Variants in ZNF385B observed in about 807,000 individuals in gnomAD.
ZNF385B encodes zinc finger protein 385B.
A neutral mutation model predicts 39.2 loss-of-function variants in ZNF385B; 23 were observed. The observed-to-expected ratio is 0.59, with a 90% CI of 0.42 to 0.83. The LOEUF (loss-of-function observed/expected upper bound fraction) is 0.83. ZNF385B is among the 40% of genes least tolerant of loss of function. The pLI, the probability that ZNF385B is intolerant of heterozygous loss-of-function variation, is 0.00. For missense variants in ZNF385B, 552 were observed against 598.9 expected (o/e 0.92, Z 0.82); for synonymous variants, 205 against 222.6 (o/e 0.92, Z 0.70).
intron 5 of ZNF385B, among the ~76,000 whole-genome samples, chr2:179,497,115 A>T (rs1047505392): frequency 6.6e-6 from 1 of 152,198 alleles, no homozygotes; most frequent in African/African-American, 2.4e-5. Flanking sequence ...AAGCTGAGGT[A>T]TTTCATCAAG....
At chr2:179,549,727 T>C (rs1207547203) in intron 3 of ZNF385B, among the ~76,000 whole-genome samples, 2 of 149,518 alleles carry the variant, frequency 1.3e-5, no homozygotes, top group African/African-American at 5.0e-5. Flanking sequence ...CATACTTCAT[T>C]TACATTGATC....
chr2:179,451,380 T>G (rs16866735), intron 6 of ZNF385B, among the ~76,000 whole-genome samples: 17,497 of 151,984 alleles, frequency 0.12, 1,370 homozygotes, highest in East Asian at 0.35. Flanking sequence ...TACCTGGTAG[T>G]TGAGCATAGA....
intron 1 of ZNF385B, among the ~76,000 whole-genome samples, chr2:179,850,437 T>C (rs1465405117): frequency 2.0e-5 from 3 of 152,194 alleles, no homozygotes; most frequent in Admixed American, 6.5e-5. Flanking sequence ...CTTTCTCATA[T>C]TGAGTTGAAA....
At chr2:179,810,242 T>C (rs778552106) in intron 1 of ZNF385B, among the ~76,000 whole-genome samples, 3 of 151,816 alleles carry the variant, frequency 2.0e-5, no homozygotes, top group South Asian at 2.1e-4. Flanking sequence ...ACGTTAAGCA[T>C]AGAGCAAAAT....
intron 1 of ZNF385B, among the ~76,000 whole-genome samples, chr2:179,794,439 T>C (rs992289814): frequency 6.6e-6 from 1 of 152,012 alleles, no homozygotes; most frequent in Non-Finnish European, 1.5e-5. Flanking sequence ...TAAAATGCTA[T>C]TTACCATGGA....
At chr2:179,589,942 T>A (rs1687410386) in intron 3 of ZNF385B, among the ~76,000 whole-genome samples, 3 of 152,228 alleles carry the variant, frequency 2.0e-5, no homozygotes, top group African/African-American at 4.8e-5. Context: ...TACAATTCTG[T>A]ATTCATTAAA....
At chr2:179,498,578 C>T (rs2056461610) in intron 5 of ZNF385B, among the ~76,000 whole-genome samples, 1 of 151,836 alleles carries the variant, frequency 6.6e-6, no homozygotes, top group Non-Finnish European at 1.5e-5. Flanking sequence ...CAATATGTTC[C>T]TGAATGATGA....
chr2:179,484,528 A>G (rs755188713), intron 5 of ZNF385B, among the ~76,000 whole-genome samples: 7 of 152,030 alleles, frequency 4.6e-5, no homozygotes, highest in Non-Finnish European at 1.0e-4. Context: ...TATGTGTTTG[A>G]AGAGGATTAA....
At chr2:179,775,463 C>A (rs1267515919) in intron 1 of ZNF385B, among the ~76,000 whole-genome samples, 4 of 152,158 alleles carry the variant, frequency 2.6e-5, no homozygotes, top group Non-Finnish European at 4.4e-5. Context: ...TGAAATTATT[C>A]CTTAGCAATT....
At position 179,786,256 on chromosome 2, in the gene ZNF385B, T is replaced by C. The variant is rs1407670790; in HGVS notation, c.-154-15584A>G. 2.6e-5 allele frequency among the ~76,000 whole-genome samples: 4 copies of C among 152,142 alleles called. No individual in the cohort carries two copies. The East Asian group carries it at 7.7e-4, about 29-fold the overall frequency. Reference sequence around the variant, plus strand: ...ATCTGTGTGGCTTGCTTTATTAGGATAGTTGTTATTTATACTGTGGTGGTC... The same window carrying C: ...ATCTGTGTGGCTTGCTTTATTAGGACAGTTGTTATTTATACTGTGGTGGTC... On this transcript the variant is annotated intron_variant, in intron 1 of 9. Transcript: ENST00000410066.
At chr2:179,736,332 T>A (rs1701753585) in intron 3 of ZNF385B, among the ~76,000 whole-genome samples, 1 of 152,198 alleles carries the variant, frequency 6.6e-6, no homozygotes, top group Non-Finnish European at 1.5e-5. Flanking sequence ...CTATCAATTT[T>A]GCAGATTTTT....
At chr2:179,640,324 T>A (rs1692151880) in intron 3 of ZNF385B, among the ~76,000 whole-genome samples, 1 of 152,064 alleles carries the variant, frequency 6.6e-6, no homozygotes, top group African/African-American at 2.4e-5. Flanking sequence ...AATGTTCTTG[T>A]TCTTAGGATG....
chr2:179,855,156 C>A (rs553439061), intron 1 of ZNF385B, among the ~76,000 whole-genome samples: 327 of 152,136 alleles, frequency 2.1e-3, no homozygotes, highest in Non-Finnish European at 3.7e-3. Flanking sequence ...ATCTAATCTT[C>A]GTTTTGCTGA....
At chr2:179,666,311 G>A (rs917194226) in intron 3 of ZNF385B, among the ~76,000 whole-genome samples, 6 of 152,066 alleles carry the variant, frequency 3.9e-5, no homozygotes, top group Admixed American at 6.6e-5. Flanking sequence ...CTGAAATATC[G>A]TCTGAGAGGC....
rs565297337 is a variant in ZNF385B at position 179,658,653 on chromosome 2, C to T, written c.298+110850G>A. ...ATACATAATCAATTATAGACTTTCT[C>T]TGTGCAGATTGACCTAATATGTTAA... On this transcript the variant is annotated intron_variant, in intron 3 of 9. Transcript: ENST00000410066. Among the ~76,000 whole-genome samples, 8 of 152,266 alleles carry T rather than the reference C, an allele frequency of 5.3e-5. No homozygotes were observed. In the East Asian group the frequency reaches 9.6e-4, roughly 18 times the overall value.
chr2:179,543,320 G>A (rs1436623133), intron 4 of ZNF385B, among the ~76,000 whole-genome samples: 2 of 152,052 alleles, frequency 1.3e-5, no homozygotes, highest in Admixed American at 1.3e-4. Context: ...AATAAAGAGA[G>A]GTGAGCCACA....
intron 1 of ZNF385B, among the ~76,000 whole-genome samples, chr2:179,798,000 C>T (rs1338459801): frequency 3.9e-5 from 6 of 151,970 alleles, no homozygotes; most frequent in Non-Finnish European, 8.8e-5. Flanking sequence ...GAGGAAAATG[C>T]TTCATTTTTT....
intron 4 of ZNF385B, among the ~76,000 whole-genome samples, chr2:179,537,754 C>CAAA (rs200637545): frequency 1.0e-5 from 1 of 99,936 alleles, no homozygotes; most frequent in African/African-American, 4.4e-5. Flanking sequence ...AACAAACAAA[C>CAAA]AAACAAACAA....
intron 1 of ZNF385B, among the ~76,000 whole-genome samples, chr2:179,848,596 T>C (rs753043344): frequency 6.6e-6 from 1 of 152,242 alleles, no homozygotes; most frequent in Non-Finnish European, 1.5e-5. Context: ...CTGGGTGAGA[T>C]ACATTATGTG....
Sources: allele counts gnomAD v4.1 joint callset (sites outside exome capture counted in the v4.1 genomes callset), GRCh38; gene constraint gnomAD v4.1.1; transcripts MANE v1.5; gene names NCBI Gene and HGNC (gene_info 2026-07-23, HGNC 2026-07-21).